ATAD2B: variants seen among roughly 807,000 people sequenced by gnomAD.
ATAD2B encodes ATPase family AAA domain-containing protein 2B.
A neutral mutation model predicts 167.6 loss-of-function variants in ATAD2B; 40 were observed. The observed-to-expected ratio is 0.24, with a 90% CI of 0.19 to 0.31. ATAD2B has a LOEUF of 0.31. Ranked by LOEUF, ATAD2B falls within the 10% of genes least tolerant of loss-of-function variation. ATAD2B has a pLI of 1.00. For missense variants in ATAD2B, 1,242 were observed against 1,757.2 expected (o/e 0.71, Z 5.24); for synonymous variants, 579 against 596.5 (o/e 0.97, Z 0.43).
At chr2:23,770,439 T>A (rs575660088) in intron 22 of ATAD2B, among the ~76,000 whole-genome samples, 1 of 152,248 alleles carries the variant, frequency 6.6e-6, no homozygotes, top group Non-Finnish European at 1.5e-5. Context: ...ATGTCCATTA[T>A]TTAAATTGGG....
chr2:23,802,560 T>G lies in ATAD2B; in HGVS notation c.2455-4237A>C, dbSNP rs142503541. On this transcript the variant is annotated intron_variant, in intron 18 of 27. Transcript: ENST00000238789. Reference sequence around the variant, plus strand: ...CACTTAAATTCTTTTTCTAATATTTTCATTCCCTAAGGACTTCAAGAATTT... The same window carrying G: ...CACTTAAATTCTTTTTCTAATATTTGCATTCCCTAAGGACTTCAAGAATTT... Among the ~76,000 whole-genome samples, 276 of 152,118 alleles carry G rather than the reference T, an allele frequency of 1.8e-3. 2 individuals carry two copies. The highest frequency in any genetic ancestry group is 6.4e-3 in the African/African-American group (266 of 41,520).
chr2:23,728,499 T>C, the ATAD2B span, among the ~76,000 whole-genome samples: 2 of 152,156 alleles, frequency 1.3e-5, no homozygotes, highest in South Asian at 2.1e-4. Flanking sequence ...TCAACAAAGA[T>C]AGGAGGAACC....
the ATAD2B span, among the ~76,000 whole-genome samples, chr2:23,739,917 A>G: frequency 6.6e-6 from 1 of 152,248 alleles, no homozygotes; most frequent in Non-Finnish European, 1.5e-5. Flanking sequence ...AGAATATTAT[A>G]AACACCTCTA....
chr2:23,758,170 T>A, intron 24 of ATAD2B, 69 bp from the exon 25 acceptor site: 1 of 1,265,184 alleles, frequency 7.9e-7, no homozygotes, highest in East Asian at 2.4e-5. Context: ...ATATGTTTAT[T>A]AAACAGGACC....
At chr2:23,760,524 G>A (rs999592536) in intron 24 of ATAD2B, among the ~76,000 whole-genome samples, 1 of 151,882 alleles carries the variant, frequency 6.6e-6, no homozygotes, top group East Asian at 1.9e-4. Flanking sequence ...TGAGCCAGGT[G>A]TGCTGGCAGG....
At chr2:23,899,269 C>T (rs1002372888) in intron 1 of ATAD2B, among the ~76,000 whole-genome samples, 6 of 142,464 alleles carry the variant, frequency 4.2e-5, no homozygotes, top group Non-Finnish European at 3.0e-5. Context: ...GCTGTGATCA[C>T]GCCAAGCCTG....
intron 22 of ATAD2B, among the ~76,000 whole-genome samples, chr2:23,772,430 G>A (rs1183449104): frequency 1.3e-5 from 2 of 152,038 alleles, no homozygotes; most frequent in Admixed American, 6.6e-5. Context: ...AATGTTTGTA[G>A]CCTATGCAAT....
At chr2:23,856,086 G>A (rs1420966616) in intron 13 of ATAD2B, 2 of 153,124 alleles carry the variant, frequency 1.3e-5, no homozygotes, top group Non-Finnish European at 1.5e-5. Context: ...CTACTTGGGA[G>A]GCTGAGGCAG....
In ATAD2B at chr2:23,836,116, C is replaced by T. The variant is rs555811038; in HGVS notation, c.1569-2038G>A. On this transcript the variant is annotated intron_variant, in intron 13 of 27. Transcript: ENST00000238789. ...TCGGCTCACACTACCAGCCTGTATC[C>T]CATGCCTGCCAGGGGCAAGCCAGGC... Among the ~76,000 whole-genome samples, 7 of 149,980 alleles carry T rather than the reference C, an allele frequency of 4.7e-5. No homozygotes were observed. In the South Asian group the frequency reaches 1.5e-3, roughly 32 times the overall value.
chr2:23,887,375 A>G (rs892023203), intron 4 of ATAD2B, among the ~76,000 whole-genome samples: 5 of 152,144 alleles, frequency 3.3e-5, no homozygotes, highest in Non-Finnish European at 4.4e-5. Flanking sequence ...AGCAATTTTT[A>G]TTTTATATTT....
chr2:23,824,355 CA>C (rs1227961739), intron 15 of ATAD2B, among the ~76,000 whole-genome samples: 1 of 152,188 alleles, frequency 6.6e-6, no homozygotes, highest in Non-Finnish European at 1.5e-5. Flanking sequence ...GGTTAGTCCT[CA>C]TGACATCATA....
At chr2:23,858,771 C>T (rs568970594) in intron 12 of ATAD2B, among the ~76,000 whole-genome samples, 6 of 152,166 alleles carry the variant, frequency 3.9e-5, no homozygotes, top group African/African-American at 1.4e-4. Context: ...GTCTGAGATA[C>T]TGTGTCCAGC....
At chr2:23,859,822 C>G (rs1239529693) in intron 12 of ATAD2B, among the ~76,000 whole-genome samples, 1 of 151,148 alleles carries the variant, frequency 6.6e-6, no homozygotes, top group Non-Finnish European at 1.5e-5. Flanking sequence ...GCGGGGGGGG[C>G]ACCTGTAATC....
chr2:23,822,856 G>A (rs1288338550), intron 16 of ATAD2B, among the ~76,000 whole-genome samples: 2 of 131,776 alleles, frequency 1.5e-5, no homozygotes, highest in Non-Finnish European at 3.1e-5. Context: ...GGCGGAGGTT[G>A]CAGTAAGCCA....
At chr2:23,807,545 C>T (rs1006598007) in intron 18 of ATAD2B, among the ~76,000 whole-genome samples, 17 of 151,988 alleles carry the variant, frequency 1.1e-4, no homozygotes, top group African/African-American at 4.1e-4. Flanking sequence ...GTTTGAGACC[C>T]AAATGCCAAA....
At chr2:23,794,022 CTTTT>C (rs199743879) in intron 19 of ATAD2B, among the ~76,000 whole-genome samples, 3 of 151,868 alleles carry the variant, frequency 2.0e-5, no homozygotes, top group African/African-American at 7.3e-5. Context: ...ACTGTTTTAT[CTTTT>C]TTTTGAGACA....
chr2:23,843,629 C>G (rs1455620715), intron 13 of ATAD2B, among the ~76,000 whole-genome samples: 1 of 152,210 alleles, frequency 6.6e-6, no homozygotes, highest in Non-Finnish European at 1.5e-5. Context: ...ACAGAGGAGA[C>G]TGCTCCACAG....
chr2:23,885,646 T>TC, intron 5 of ATAD2B, 81 bp downstream of exon 5: 1 of 761,488 alleles, frequency 1.3e-6, no homozygotes, highest in Non-Finnish European at 2.1e-6. Context: ...TTCAAAAACA[T>TC]CCAACTGTTG....
At position 23,754,159 on chromosome 2, in the gene ATAD2B, C is replaced by A. The variant is rs1348065568; in HGVS notation, c.4335+20G>T. ...TAAAATCAAGTATTTGTTTATTCTA[C>A]AGATAAACTAAACACTTACCTCTAC... On this transcript the variant is annotated intron_variant, in intron 27 of 27. Transcript: ENST00000238789. The A allele has an allele frequency of 1.0e-5, 15 of 1,479,608 alleles. No individual in the cohort carries two copies. Among genetic ancestry groups the A allele is most frequent in the Non-Finnish European group, 1.3e-5 (15 of 1,115,450 alleles). The allele number at this position is 1,479,608 out of a possible 1,614,324, so 91.7% of individuals were successfully genotyped here.
Sources: allele counts gnomAD v4.1 joint callset (sites outside exome capture counted in the v4.1 genomes callset), GRCh38; gene constraint gnomAD v4.1.1; transcripts MANE v1.5; gene names NCBI Gene and HGNC (gene_info 2026-07-23, HGNC 2026-07-21).